Variants in CNTN4 observed in about 807,000 individuals in gnomAD.
CNTN4 encodes the protein contactin 4, also known as contactin-4.
CNTN4 carries 77 observed loss-of-function variants against 122.5 expected under a neutral mutation model. The ratio of observed to expected loss-of-function variants is 0.63; its 90% confidence interval spans 0.52 to 0.76. The LOEUF (loss-of-function observed/expected upper bound fraction) is 0.76, where lower values mean the gene tolerates loss of function less well. Ranked by LOEUF, CNTN4 falls within the 30% of genes least tolerant of loss-of-function variation. CNTN4 has a pLI of 0.00. For synonymous variants in CNTN4, 512 were observed against 447.0 expected (o/e 1.15, Z -1.83); for missense variants, 1,256 against 1,259.1 (o/e 1.00, Z 0.04).
intron 7 of CNTN4, among the ~76,000 whole-genome samples, chr3:2,826,706 T>C (rs750336778): frequency 6.6e-6 from 1 of 152,198 alleles, no homozygotes; most frequent in African/African-American, 2.4e-5. Context: ...TCTTACTTAG[T>C]CCAAACTATG....
At chr3:2,634,630 A>C (rs533107429) in intron 4 of CNTN4, among the ~76,000 whole-genome samples, 3 of 151,020 alleles carry the variant, frequency 2.0e-5, no homozygotes, top group Non-Finnish European at 4.4e-5. Flanking sequence ...GGAGATCGAG[A>C]CCATCCTGGC....
chr3:2,252,502 T>G (rs977008208), intron 2 of CNTN4, among the ~76,000 whole-genome samples: 1 of 152,038 alleles, frequency 6.6e-6, no homozygotes, highest in African/African-American at 2.4e-5. Flanking sequence ...TATGTTCCAT[T>G]CATGAATAAG....
chr3:2,495,138 ACAT>A (rs952754395), intron 3 of CNTN4, among the ~76,000 whole-genome samples: 1 of 152,248 alleles, frequency 6.6e-6, no homozygotes, highest in Non-Finnish European at 1.5e-5. Flanking sequence ...GCCGCCTTCA[ACAT>A]CATAATCAAT....
At chr3:2,423,077 A>G (rs191477198) in intron 3 of CNTN4, among the ~76,000 whole-genome samples, 3 of 152,352 alleles carry the variant, frequency 2.0e-5, no homozygotes, top group Non-Finnish European at 4.4e-5. Context: ...ATGAACTTCA[A>G]CAGTGATGAA....
intron 3 of CNTN4, among the ~76,000 whole-genome samples, chr3:2,440,793 T>C (rs2048408866): frequency 1.3e-5 from 2 of 148,850 alleles, no homozygotes; most frequent in Non-Finnish European, 3.0e-5. Flanking sequence ...TATATATTCA[T>C]ACATATATAA....
chr3:2,399,007 A>G (rs1450571451), intron 3 of CNTN4, among the ~76,000 whole-genome samples: 1 of 152,176 alleles, frequency 6.6e-6, no homozygotes, highest in Non-Finnish European at 1.5e-5. Flanking sequence ...ATGGTAACTT[A>G]GGAATCAGAC....
At chr3:2,523,722 T>TCATGACAA (rs1298759188) in intron 3 of CNTN4, among the ~76,000 whole-genome samples, 1 of 152,042 alleles carries the variant, frequency 6.6e-6, no homozygotes, top group Non-Finnish European at 1.5e-5. Flanking sequence ...TGTGCAAATA[T>TCATGACAA]CATGACAAGG....
At chr3:2,923,317 C>CT (rs58075798) in intron 12 of CNTN4, among the ~76,000 whole-genome samples, 42,036 of 147,914 alleles carry the variant, frequency 0.28, 6,432 homozygotes, top group Non-Finnish European at 0.36. Context: ...GAATACCTGA[C>CT]TTTTTTTTTT....
At chr3:3,021,017 C>A (rs1304463821) in intron 14 of CNTN4, among the ~76,000 whole-genome samples, 1 of 152,172 alleles carries the variant, frequency 6.6e-6, no homozygotes, top group Non-Finnish European at 1.5e-5. Context: ...AGATTTCATT[C>A]CCTTTCTTTG....
chr3:2,921,326 C>T (rs887557057), intron 12 of CNTN4, among the ~76,000 whole-genome samples: 3 of 152,232 alleles, frequency 2.0e-5, no homozygotes, highest in Admixed American at 2.0e-4. Flanking sequence ...CGTGAGCCAA[C>T]ACACCTGACC....
In CNTN4 at chr3:2,475,078, T is replaced by C. The variant is rs184765141; in HGVS notation, c.-88-96338T>C. Among the ~76,000 whole-genome samples, 13 of 152,332 alleles carry C rather than the reference T, an allele frequency of 8.5e-5. No homozygotes were observed. The East Asian group carries it at 2.3e-3, about 27-fold the overall frequency. On this transcript the variant is annotated intron_variant, in intron 3 of 24. Coordinates refer to ENST00000418658, the MANE Select transcript of CNTN4 (RefSeq NM_175607.3). ...GCTTTGGTTTAAAAATATGTGAGTTTATTGAAACATTTTGCCAAATATTTC... is the reference window on the plus strand; with the variant it reads ...GCTTTGGTTTAAAAATATGTGAGTTCATTGAAACATTTTGCCAAATATTTC...
At chr3:2,747,504 A>C (rs1310982158) in intron 6 of CNTN4, among the ~76,000 whole-genome samples, 1 of 152,152 alleles carries the variant, frequency 6.6e-6, no homozygotes, top group African/African-American at 2.4e-5. Context: ...ACCAGCTCTT[A>C]AGATTATCCT....
chr3:2,810,569 T>A (rs1353684621), intron 6 of CNTN4, among the ~76,000 whole-genome samples: 2 of 152,224 alleles, frequency 1.3e-5, no homozygotes, highest in African/African-American at 4.8e-5. Flanking sequence ...TCCAGTTTTT[T>A]AAGTCATTAT....
At chr3:3,034,828 C>T (rs753575151) in intron 17 of CNTN4, 38 bp downstream of exon 17, 4 of 1,606,476 alleles carry the variant, frequency 2.5e-6, no homozygotes, top group Non-Finnish European at 3.4e-6. Context: ...ACATTGGGAA[C>T]TCAGCATACT....
At chr3:2,481,367 C>T (rs1292555683) in intron 3 of CNTN4, among the ~76,000 whole-genome samples, 2 of 152,020 alleles carry the variant, frequency 1.3e-5, no homozygotes, top group Non-Finnish European at 2.9e-5. Context: ...TCTCAAACTT[C>T]TGACCTCAAG....
chr3:3,011,983 C>T (rs149269160), intron 14 of CNTN4, among the ~76,000 whole-genome samples: 26 of 152,208 alleles, frequency 1.7e-4, no homozygotes, highest in African/African-American at 6.3e-4. Context: ...TATGCAACCA[C>T]AGGAATATTA....
rs1348331675 is a variant in CNTN4, at chr3:2,131,824, C to G, written c.-145+31185C>G. 3.9e-5 allele frequency among the ~76,000 whole-genome samples: 6 copies of G among 152,284 alleles called. No individual in the cohort carries two copies. In the East Asian group the frequency reaches 1.2e-3, roughly 29 times the overall value. On this transcript the variant is annotated intron_variant, in intron 2 of 24. Coordinates refer to ENST00000418658, the MANE Select transcript of CNTN4 (RefSeq NM_175607.3). ...ATTCCTGTGGCAGTTCAGACACTTT[C>G]TAGGTCTTGGATCTCAGATCTAGAA...
chr3:2,556,889 A>G (rs1372263560), intron 3 of CNTN4, among the ~76,000 whole-genome samples: 2 of 152,112 alleles, frequency 1.3e-5, no homozygotes, highest in Non-Finnish European at 2.9e-5. Flanking sequence ...AATGGAACAA[A>G]GTTTTTTCTA....
At chr3:2,274,534 G>A (rs2041426762) in intron 2 of CNTN4, among the ~76,000 whole-genome samples, 2 of 150,086 alleles carry the variant, frequency 1.3e-5, no homozygotes, top group African/African-American at 4.9e-5. Flanking sequence ...TTTTTCCTCA[G>A]TCTGGCTACT....
Sources: allele counts gnomAD v4.1 joint callset (sites outside exome capture counted in the v4.1 genomes callset), GRCh38; gene constraint gnomAD v4.1.1; transcripts MANE v1.5; gene names NCBI Gene and HGNC (gene_info 2026-07-23, HGNC 2026-07-21).